The following AGPS variants were observed in gnomAD, a reference collection of about 807,000 sequenced individuals.
The protein encoded by AGPS is alkyldihydroxyacetonephosphate synthase, peroxisomal.
AGPS carries 26 observed loss-of-function variants against 90.7 expected under a neutral mutation model. That is an observed-to-expected ratio of 0.29 (90% CI 0.21 to 0.40). AGPS has a LOEUF of 0.40. Ranked by LOEUF, AGPS falls within the 10% of genes least tolerant of loss-of-function variation. The probability of loss-of-function intolerance (pLI) is 1.00; values close to 1 mark genes in which losing one functional copy is unlikely to be tolerated. For synonymous variants in AGPS, 294 were observed against 285.3 expected, an observed-to-expected ratio of 1.03 and a Z score of -0.31; for missense variants, 540 against 816.1, an observed-to-expected ratio of 0.66 and a Z score of 4.12.
At chr2:177,423,446 A>G (rs1053102792) in intron 2 of AGPS, among the ~76,000 whole-genome samples, 6 of 152,200 alleles carry the variant, frequency 3.9e-5, no homozygotes, top group Middle Eastern at 3.2e-3. Context: ...GACAGAAATA[A>G]TTCAGGCCCC....
intron 8 of AGPS, 152 bp from the exon 9 acceptor site, chr2:177,461,741 A>G (rs1687298183): frequency 2.8e-6 from 2 of 711,268 alleles, no homozygotes; most frequent in South Asian, 1.9e-5. Flanking sequence ...TAGTGTGATA[A>G]AAGTATCTTT....
chr2:177,409,360 CT>C (rs1198374142), intron 1 of AGPS, among the ~76,000 whole-genome samples: 1 of 151,460 alleles, frequency 6.6e-6, no homozygotes, highest in African/African-American at 2.4e-5. Context: ...GTCCCTCCCC[CT>C]ATGCTCTCAG....
chr2:177,441,049 C>T lies in AGPS; in HGVS notation c.709+13C>T, dbSNP rs778960003. 1 of 1,594,446 alleles carries T rather than the reference C, an allele frequency of 6.3e-7. No homozygotes were observed. The highest frequency in any genetic ancestry group is 1.1e-5 in the South Asian group (1 of 89,960). On this transcript the variant is annotated intron_variant, in intron 6 of 19. Coordinates refer to ENST00000264167, the MANE Select transcript of AGPS (RefSeq NM_003659.4). Reference sequence around the variant, plus strand: ...ATACCAATTGGTGGTAGGTATTGTGCCTTTTGAATTTTAATATGTAAATTT... The same window carrying T: ...ATACCAATTGGTGGTAGGTATTGTGTCTTTTGAATTTTAATATGTAAATTT...
At chr2:177,519,460 C>T (rs1316275235) in intron 17 of AGPS, among the ~76,000 whole-genome samples, 1 of 152,096 alleles carries the variant, frequency 6.6e-6, no homozygotes, top group African/African-American at 2.4e-5. Flanking sequence ...TCTTCAATCT[C>T]GTTTGTCATT....
chr2:177,475,923 C>T (rs1454913822), intron 10 of AGPS, among the ~76,000 whole-genome samples: 3 of 152,014 alleles, frequency 2.0e-5, no homozygotes, highest in African/African-American at 4.8e-5. Flanking sequence ...CAGTAAATGA[C>T]GGTCCCATTT....
At chr2:177,533,750 C>G (rs1334830819) in intron 19 of AGPS, among the ~76,000 whole-genome samples, 1 of 152,178 alleles carries the variant, frequency 6.6e-6, no homozygotes, top group African/African-American at 2.4e-5. Context: ...TACTTTCTTA[C>G]ATAATCCAGC....
chr2:177,480,907 T>G (rs1687925784), intron 10 of AGPS, among the ~76,000 whole-genome samples: 1 of 152,084 alleles, frequency 6.6e-6, no homozygotes, highest in Non-Finnish European at 1.5e-5. Flanking sequence ...TATTTTGTAT[T>G]AAAATATTTA....
At chr2:177,528,948 C>T (rs565325677) in intron 19 of AGPS, among the ~76,000 whole-genome samples, 33 of 149,670 alleles carry the variant, frequency 2.2e-4, no homozygotes, top group Non-Finnish European at 3.6e-4. Context: ...CTCTGCCTCC[C>T]GGGTTCAAGC....
chr2:177,511,308 G>C (rs1688863552), intron 16 of AGPS, among the ~76,000 whole-genome samples: 1 of 151,944 alleles, frequency 6.6e-6, no homozygotes, highest in Admixed American at 6.6e-5. Flanking sequence ...ATGTTGCCCA[G>C]GCTGGTCTTG....
At chr2:177,418,687 A>G (rs979122153) in intron 1 of AGPS, among the ~76,000 whole-genome samples, 2 of 151,958 alleles carry the variant, frequency 1.3e-5, no homozygotes, top group Non-Finnish European at 2.9e-5. Context: ...AGTAAATTAT[A>G]CTTCATAAAA....
intron 2 of AGPS, among the ~76,000 whole-genome samples, chr2:177,421,964 T>TATAC (rs1400868692): frequency 3.3e-5 from 5 of 152,220 alleles, no homozygotes; most frequent in African/African-American, 7.2e-5. Context: ...TACAGTACTG[T>TATAC]AGGCCATGTA....
chr2:177,446,817 C>G (rs533390010), intron 8 of AGPS, among the ~76,000 whole-genome samples: 9 of 152,034 alleles, frequency 5.9e-5, no homozygotes, highest in Non-Finnish European at 1.0e-4. Flanking sequence ...ATTTCATCAG[C>G]TGGGTGAATA....
At chr2:177,532,743 G>A (rs6433677) in intron 19 of AGPS, among the ~76,000 whole-genome samples, 131,220 of 152,142 alleles carry the variant, frequency 0.86, 56,790 homozygotes, top group East Asian at 0.95. Context: ...CTGGTGAATG[G>A]CTGCCTACAC....
intron 15 of AGPS, among the ~76,000 whole-genome samples, chr2:177,505,810 A>G (rs183399019): frequency 3.9e-5 from 6 of 152,062 alleles, no homozygotes; most frequent in South Asian, 2.1e-4. Flanking sequence ...CTGCTCTTTA[A>G]AAGAATGGAG....
At chr2:177,397,622 G>T (rs1262741793) in intron 1 of AGPS, among the ~76,000 whole-genome samples, 2 of 152,042 alleles carry the variant, frequency 1.3e-5, no homozygotes, top group Admixed American at 1.3e-4. Context: ...CTGCTCAATG[G>T]CAGTTTTTAC....
chr2:177,408,018 G>A (rs2105594134), intron 1 of AGPS, among the ~76,000 whole-genome samples: 1 of 152,234 alleles, frequency 6.6e-6, no homozygotes, highest in South Asian at 2.1e-4. Flanking sequence ...CTGGCCTCAG[G>A]TGGTTCTCCC....
chr2:177,469,188 A>C (rs755320896), intron 10 of AGPS, among the ~76,000 whole-genome samples: 10 of 152,092 alleles, frequency 6.6e-5, no homozygotes, highest in Non-Finnish European at 1.3e-4. Flanking sequence ...AATTTTTAGG[A>C]TGGGAGAGGG....
intron 8 of AGPS, among the ~76,000 whole-genome samples, chr2:177,447,219 C>G (rs548777690): frequency 3.4e-4 from 51 of 152,106 alleles, no homozygotes; most frequent in African/African-American, 1.1e-3. Context: ...TGACATTGAT[C>G]TGCTCCTGAC....
intron 1 of AGPS, among the ~76,000 whole-genome samples, chr2:177,415,069 TTTA>T (rs1448682575): frequency 3.3e-5 from 5 of 152,168 alleles, no homozygotes; most frequent in African/African-American, 1.2e-4. Context: ...TACTATGGAT[TTTA>T]TTGTTTCTCC....
Sources: gnomAD v4.1 joint callset for allele counts (sites outside exome capture counted in the v4.1 genomes callset) on GRCh38, gnomAD v4.1.1 for gene constraint, MANE v1.5 for transcripts, NCBI Gene and HGNC (gene_info 2026-07-23, HGNC 2026-07-21) for gene names.